The following HMCN1 variants were observed in gnomAD, a reference collection of about 807,000 sequenced individuals.
The protein encoded by HMCN1 is hemicentin-1.
A neutral mutation model predicts 625.9 loss-of-function variants in HMCN1; 321 were observed. That is an observed-to-expected ratio of 0.51 (90% CI 0.47 to 0.56). The LOEUF (loss-of-function observed/expected upper bound fraction) is 0.56. Among genes scored for constraint, HMCN1 ranks in the 20% least tolerant of loss-of-function variants. The pLI, the probability that HMCN1 is intolerant of heterozygous loss-of-function variation, is 0.00. For synonymous variants in HMCN1, 2,425 were observed against 2,417.6 expected (o/e 1.00, Z -0.09); for missense variants, 6,588 against 6,887.3 (o/e 0.96, Z 1.54).
intron 57 of HMCN1, among the ~76,000 whole-genome samples, chr1:186,083,740 C>A (rs1659312684): frequency 6.6e-6 from 1 of 152,028 alleles, no homozygotes; most frequent in Non-Finnish European, 1.5e-5. Flanking sequence ...AAATATTCTT[C>A]TTTGGTGTGA....
chr1:186,094,600 C>A (rs1189873233), intron 67 of HMCN1, among the ~76,000 whole-genome samples: 1 of 152,018 alleles, frequency 6.6e-6, no homozygotes, highest in Non-Finnish European at 1.5e-5. Context: ...TGCACTAAAT[C>A]AAATCTAATT....
intron 70 of HMCN1, 139 bp from the exon 71 acceptor site, chr1:186,108,322 T>G (rs1479978867): frequency 2.9e-6 from 4 of 1,359,016 alleles, no homozygotes; most frequent in East Asian, 5.0e-5. Context: ...CTTCCCACTG[T>G]TTGTAATTAT....
intron 89 of HMCN1, among the ~76,000 whole-genome samples, chr1:186,139,480 A>G (rs10911831): frequency 1.3e-3 from 196 of 152,274 alleles, no homozygotes; most frequent in African/African-American, 4.5e-3. Context: ...TAACTAAATG[A>G]TATTTGTAAA....
At chr1:186,006,294 A>G (rs1653628660) in intron 29 of HMCN1, among the ~76,000 whole-genome samples, 4 of 152,190 alleles carry the variant, frequency 2.6e-5, no homozygotes, top group South Asian at 4.1e-4. Flanking sequence ...TTACTAGTGT[A>G]TTATGAATAT....
At chr1:185,989,669 G>T (rs371523731) in intron 21 of HMCN1, 22 bp downstream of exon 21, 11 of 1,612,022 alleles carry the variant, frequency 6.8e-6, no homozygotes, top group East Asian at 6.7e-5. Flanking sequence ...TGGAGGAATG[G>T]TTTTTATTGA....
chr1:186,159,151 C>G (rs1651251485), intron 97 of HMCN1, among the ~76,000 whole-genome samples: 1 of 151,418 alleles, frequency 6.6e-6, no homozygotes, highest in Admixed American at 6.6e-5. Flanking sequence ...CTTCACATCC[C>G]TTGTAAGTTG....
intron 1 of HMCN1, among the ~76,000 whole-genome samples, chr1:185,842,789 T>A (rs1661564532): frequency 6.6e-6 from 1 of 151,830 alleles, no homozygotes; most frequent in Non-Finnish European, 1.5e-5. Flanking sequence ...TGCTGGGTAC[T>A]GTGTGCATCA....
chr1:185,892,945 G>A (rs912253384), intron 4 of HMCN1, among the ~76,000 whole-genome samples: 1 of 152,122 alleles, frequency 6.6e-6, no homozygotes, highest in Non-Finnish European at 1.5e-5. Context: ...TCAGACTGCT[G>A]TGCTAGCAAT....
chr1:185,762,891 A>G (rs2170859), intron 1 of HMCN1, among the ~76,000 whole-genome samples: 37,421 of 152,048 alleles, frequency 0.25, 4,918 homozygotes, highest in Non-Finnish European at 0.29. Flanking sequence ...TCTTTTGTCC[A>G]ATGCTATTGT....
intron 20 of HMCN1, among the ~76,000 whole-genome samples, chr1:185,988,868 G>C (rs964479778): frequency 6.6e-5 from 10 of 152,122 alleles, no homozygotes; most frequent in African/African-American, 2.4e-4. Flanking sequence ...TGTTAATTCA[G>C]GTAAAGTGCT....
At position 186,114,070 on chromosome 1, in the gene HMCN1, T is replaced by C. The variant is rs1020744533; in HGVS notation, c.11223T>C (p.Thr3741=). ...AATGCATCGCTGAAGGTGTGCCAAC[T>C]CCAAGGATAACATGGAGAAAGGATG... ...VLECIAEGVP[T]PRITWRKDGA... The change falls in exon 73 of 107, where the codon ACT becomes ACC. Residue 3741 remains threonine (T), a synonymous_variant. Coordinates refer to ENST00000271588, the MANE Select transcript of HMCN1 (RefSeq NM_031935.3). 3 of 1,613,996 alleles carry C rather than the reference T, an allele frequency of 1.9e-6. No homozygotes were observed. The highest frequency in any genetic ancestry group is 2.5e-6 in the Non-Finnish European group (3 of 1,179,984).
chr1:185,909,557 T>C (rs1304971988), intron 5 of HMCN1, 49 bp downstream of exon 5: 3 of 1,493,418 alleles, frequency 2.0e-6, no homozygotes, highest in Admixed American at 1.7e-5. Context: ...ACATAGAGGG[T>C]AAAATACTTT....
intron 30 of HMCN1, among the ~76,000 whole-genome samples, chr1:186,008,167 T>C (rs536738811): frequency 1.9e-4 from 29 of 152,292 alleles, no homozygotes; most frequent in African/African-American, 7.0e-4. Flanking sequence ...GAGTAGGCTT[T>C]TGTTTTGCAT....
At chr1:186,069,006 A>G (rs1313304377) in intron 50 of HMCN1, among the ~76,000 whole-genome samples, 4 of 152,178 alleles carry the variant, frequency 2.6e-5, no homozygotes, top group Non-Finnish European at 5.9e-5. Flanking sequence ...TTGATTGGCA[A>G]TGAGTTAGGA....
At chr1:185,882,591 A>C (rs904512682) in intron 4 of HMCN1, among the ~76,000 whole-genome samples, 8 of 152,096 alleles carry the variant, frequency 5.3e-5, no homozygotes, top group Non-Finnish European at 1.0e-4. Context: ...TCATTTATGT[A>C]AAGCTGTAAG....
intron 96 of HMCN1, 98 bp downstream of exon 96, chr1:186,152,969 GA>G: frequency 1.4e-6 from 2 of 1,467,532 alleles, no homozygotes; most frequent in Non-Finnish European, 9.5e-7. Flanking sequence ...CTCTGTGGGG[GA>G]AAATGTCCAA....
chr1:186,063,506 GAA>G (rs1657911312), intron 48 of HMCN1, among the ~76,000 whole-genome samples: 1 of 121,868 alleles, frequency 8.2e-6, no homozygotes, highest in Non-Finnish European at 1.7e-5. Flanking sequence ...AGGAAGGAAG[GAA>G]GGAAGGGAGT....
chr1:185,853,526 C>T (rs116027964), intron 2 of HMCN1, among the ~76,000 whole-genome samples: 380 of 152,182 alleles, frequency 2.5e-3, no homozygotes, highest in African/African-American at 8.5e-3. Context: ...GTTTGCAGTT[C>T]GAGTTTTCTA....
At chr1:186,064,312 GA>G (rs1657966552) in intron 48 of HMCN1, among the ~76,000 whole-genome samples, 1 of 151,528 alleles carries the variant, frequency 6.6e-6, no homozygotes, top group South Asian at 2.1e-4. Context: ...GATCTCATTT[GA>G]AAATAAAAAT....
Sources: allele counts gnomAD v4.1 joint callset (sites outside exome capture counted in the v4.1 genomes callset), GRCh38; gene constraint gnomAD v4.1.1; transcripts MANE v1.5; gene names NCBI Gene and HGNC (gene_info 2026-07-23, HGNC 2026-07-21).